PAQR5: variants seen among roughly 807,000 people sequenced by gnomAD.
PAQR5 encodes the protein membrane progestin receptor gamma.
In PAQR5, 20 loss-of-function variants were observed where a neutral mutation model predicts 34.5. The observed-to-expected ratio is 0.58, with a 90% confidence interval of 0.41 to 0.84. The LOEUF (loss-of-function observed/expected upper bound fraction) is 0.84. Among genes scored for constraint, PAQR5 ranks in the 40% least tolerant of loss-of-function variants. The pLI is 0.00. For missense variants in PAQR5, 378 were observed against 412.7 expected, an observed-to-expected ratio of 0.92 and a Z score of 0.73; for synonymous variants, 131 against 155.6, an observed-to-expected ratio of 0.84 and a Z score of 1.18.
At chr15:69,306,557 G>A (rs1414579333) in intron 1 of PAQR5, among the ~76,000 whole-genome samples, 3 of 151,512 alleles carry the variant, frequency 2.0e-5, no homozygotes, top group South Asian at 2.1e-4. Context: ...GATTACAGGC[G>A]CACACCACCA....
At chr15:69,322,784 A>AGAG (rs1490432490) in intron 1 of PAQR5, among the ~76,000 whole-genome samples, 2,222 of 93,194 alleles carry the variant, frequency 0.024, 565 homozygotes, top group East Asian at 0.037. Flanking sequence ...GAGAAGAAGA[A>AGAG]GACGAGGAAG....
intron 1 of PAQR5, among the ~76,000 whole-genome samples, chr15:69,328,900 C>A (rs12438073): frequency 0.034 from 5,154 of 152,322 alleles, 184 homozygotes; most frequent in East Asian, 0.15. Flanking sequence ...GAGGGAATGC[C>A]TCTCCCAGCC....
intron 2 of PAQR5, among the ~76,000 whole-genome samples, chr15:69,356,426 A>T (rs532605722): frequency 3.3e-5 from 5 of 152,348 alleles, no homozygotes; most frequent in African/African-American, 1.2e-4. Context: ...GCTTAAAAAA[A>T]TTATTTTCTT....
At chr15:69,302,615 T>C (rs1040832020) in intron 1 of PAQR5, among the ~76,000 whole-genome samples, 26 of 152,178 alleles carry the variant, frequency 1.7e-4, no homozygotes. Context: ...TCAGGACTTT[T>C]GGGGCCCTGC....
At chr15:69,339,994 G>A (rs1190888623) in intron 2 of PAQR5, among the ~76,000 whole-genome samples, 4 of 152,180 alleles carry the variant, frequency 2.6e-5, no homozygotes, top group Admixed American at 1.3e-4. Flanking sequence ...AGCCTCCTGA[G>A]TAGCTGGGAT....
intron 2 of PAQR5, among the ~76,000 whole-genome samples, chr15:69,346,044 C>A: frequency 6.6e-6 from 1 of 152,142 alleles, no homozygotes; most frequent in East Asian, 1.9e-4. Context: ...TTCTTAGAGG[C>A]CCTTTTGTTT....
At chr15:69,325,349 G>A (rs11633707) in intron 1 of PAQR5, among the ~76,000 whole-genome samples, 72,281 of 152,024 alleles carry the variant, frequency 0.48, 20,511 homozygotes, top group Middle Eastern at 0.63. Flanking sequence ...ACAGCACCCT[G>A]GAATGTTTGT....
intron 1 of PAQR5, among the ~76,000 whole-genome samples, chr15:69,325,957 G>A (rs1156855): frequency 0.42 from 63,704 of 151,956 alleles, 13,803 homozygotes; most frequent in African/African-American, 0.54. Flanking sequence ...TGGGACCTCA[G>A]GTATTCCCTG....
At chr15:69,377,184 AAAC>A (rs2055730989) in intron 3 of PAQR5, among the ~76,000 whole-genome samples, 2 of 152,264 alleles carry the variant, frequency 1.3e-5, no homozygotes, top group South Asian at 4.1e-4. Context: ...AATAATTATA[AAAC>A]AACAACTTAA....
chr15:69,395,057 G>A (rs1452352517), intron 6 of PAQR5, among the ~76,000 whole-genome samples: 1 of 152,206 alleles, frequency 6.6e-6, no homozygotes, highest in African/African-American at 2.4e-5. Flanking sequence ...AGATTTCTTC[G>A]CGTGTAAGTG....
At chr15:69,337,228 T>C (rs2054533640) in intron 1 of PAQR5, 113 bp from the exon 2 acceptor site, 1 of 152,270 alleles carries the variant, frequency 6.6e-6, no homozygotes, top group African/African-American at 2.4e-5. Context: ...AGCATATTTG[T>C]TTCTCTCTAC....
intron 2 of PAQR5, among the ~76,000 whole-genome samples, chr15:69,356,995 G>C (rs2055096898): frequency 1.3e-5 from 2 of 151,658 alleles, no homozygotes; most frequent in Admixed American, 6.6e-5. Context: ...TGCTGTCTTC[G>C]AGATAGTGAC....
At chr15:69,333,559 G>A (rs1191977214) in intron 1 of PAQR5, among the ~76,000 whole-genome samples, 13 of 152,112 alleles carry the variant, frequency 8.5e-5, no homozygotes, top group Non-Finnish European at 1.9e-4. Context: ...GTGAGAGATG[G>A]GCCGATTACA....
Position 69,333,452 on chromosome 15 carries a change from G to C in PAQR5, c.-276-3889G>C, listed in dbSNP as rs190057134. The stretch of plus-strand genomic sequence containing the variant: ...GAGTGGCTAATAGTAGTTGTGGAGG[G>C]ATACTTGACTCTGCACACTTGGATC... On this transcript the variant is annotated intron_variant, in intron 1 of 8. Transcript: ENST00000395407. Among the ~76,000 whole-genome samples the C allele has an allele frequency of 1.6e-3, 246 of 152,264 alleles. 1 individual carries two copies. Among genetic ancestry groups the C allele is most frequent in the African/African-American group, 5.6e-3 (231 of 41,544 alleles).
intron 1 of PAQR5, 80 bp from the exon 2 acceptor site, chr15:69,337,261 A>T (rs1240497627): frequency 6.6e-6 from 1 of 152,236 alleles, no homozygotes; most frequent in Non-Finnish European, 1.5e-5. Flanking sequence ...GAATTTGGAA[A>T]CCATTTGTGT....
intron 3 of PAQR5, chr15:69,379,580 C>T (rs115393413): frequency 0.017 from 16,688 of 985,268 alleles, 179 homozygotes; most frequent in Non-Finnish European, 0.018. Flanking sequence ...GGTGAGAAAA[C>T]GGATTCTTAG....
At chr15:69,326,822 T>TC (rs1234199188) in intron 1 of PAQR5, among the ~76,000 whole-genome samples, 1 of 24,332 alleles carries the variant, frequency 4.1e-5, no homozygotes, top group South Asian at 3.0e-3. Flanking sequence ...ATTCCCTCCC[T>TC]CCCCACCCCC....
rs186132939 is a variant in PAQR5, at chr15:69,355,716, C to G, written c.-115-4250C>G. Among the ~76,000 whole-genome samples, 11 of 152,126 alleles carry G rather than the reference C, an allele frequency of 7.2e-5. No homozygotes were observed. The South Asian group carries it at 1.9e-3, about 26-fold the overall frequency. ...GATTACAGGTGTAAGGCATTGTGCC[C>G]GGCCTGTCCTATTTCTTTATTTATT... is the stretch of plus-strand genomic sequence containing the variant. On this transcript the variant is annotated intron_variant, in intron 2 of 8. Transcript: ENST00000395407.
At chr15:69,331,483 G>A (rs935799554) in intron 1 of PAQR5, among the ~76,000 whole-genome samples, 10 of 152,266 alleles carry the variant, frequency 6.6e-5, no homozygotes, top group South Asian at 2.1e-4. Context: ...TGTCTATCTC[G>A]TCTTTGTGTG....
Sources: allele counts gnomAD v4.1 joint callset (sites outside exome capture counted in the v4.1 genomes callset), GRCh38; gene constraint gnomAD v4.1.1; transcripts MANE v1.5; gene names NCBI Gene and HGNC (gene_info 2026-07-23, HGNC 2026-07-21).